SAMD12: variants seen among roughly 807,000 people sequenced by gnomAD.
The protein encoded by SAMD12 is sterile alpha motif domain containing 12.
Under a neutral mutation model 15.0 loss-of-function variants are expected in SAMD12, and 9 were observed. That is an observed-to-expected ratio of 0.60 (90% CI 0.36 to 1.05). SAMD12 has a LOEUF of 1.05. Ranked by LOEUF, SAMD12 falls within the 50% of genes least tolerant of loss-of-function variation. The probability of loss-of-function intolerance (pLI) is 0.01; values close to 1 mark genes in which losing one functional copy is unlikely to be tolerated. For missense variants in SAMD12, 230 were observed against 234.2 expected (o/e 0.98, Z 0.12); for synonymous variants, 86 against 90.1 (o/e 0.96, Z 0.25).
chr8:118,382,771 G>A (rs1016386122), intron 3 of SAMD12, among the ~76,000 whole-genome samples: 4 of 152,080 alleles, frequency 2.6e-5, no homozygotes, highest in African/African-American at 4.8e-5. Context: ...ATTCAGTTGC[G>A]CTTTATCTTC....
At chr8:118,182,913 C>T in the SAMD12 span, among the ~76,000 whole-genome samples, 6 of 152,192 alleles carry the variant, frequency 3.9e-5, no homozygotes, top group Non-Finnish European at 8.8e-5. Context: ...CAGAAATGTT[C>T]ATTATATCTT....
chr8:118,152,458 ACCTTCCTTCCTT>A, the SAMD12 span, among the ~76,000 whole-genome samples: 46 of 114,310 alleles, frequency 4.0e-4, no homozygotes, highest in Admixed American at 2.0e-3. Context: ...CTCCCTCCCT[ACCTTCCTTCCTT>A]CCTTCCTTCC....
At chr8:118,477,825 A>T (rs909402398) in intron 2 of SAMD12, among the ~76,000 whole-genome samples, 4 of 152,000 alleles carry the variant, frequency 2.6e-5, no homozygotes, top group Non-Finnish European at 5.9e-5. Context: ...CATCCTGGCT[A>T]ACACGGTGAA....
chr8:118,467,029 A>C (rs1823614367), intron 2 of SAMD12, among the ~76,000 whole-genome samples: 1 of 152,180 alleles, frequency 6.6e-6, no homozygotes, highest in African/African-American at 2.4e-5. Flanking sequence ...TTGGTAATCA[A>C]TGATTACTAG....
chr8:118,566,871 A>C (rs1439643706), intron 2 of SAMD12, among the ~76,000 whole-genome samples: 1 of 152,176 alleles, frequency 6.6e-6, no homozygotes, highest in East Asian at 1.9e-4. Context: ...GGGTTTCTCC[A>C]CTGTTAAAAA....
At chr8:118,572,574 A>C (rs1254921237) in intron 2 of SAMD12, among the ~76,000 whole-genome samples, 2 of 151,630 alleles carry the variant, frequency 1.3e-5, no homozygotes, top group African/African-American at 4.8e-5. Context: ...CATGACAGAG[A>C]ATAAGTCTCA....
At chr8:118,552,547 A>G (rs1000545332) in intron 2 of SAMD12, among the ~76,000 whole-genome samples, 4 of 152,330 alleles carry the variant, frequency 2.6e-5, no homozygotes, top group Middle Eastern at 3.4e-3. Context: ...AATAAGAGCT[A>G]TCTATGACAA....
chr8:118,366,915 A>AAAAT (rs2130662455), intron 4 of SAMD12, among the ~76,000 whole-genome samples: 1 of 87,250 alleles, frequency 1.1e-5, no homozygotes, highest in Non-Finnish European at 2.5e-5. Flanking sequence ...AAAATAAAAT[A>AAAAT]AAAATGAACA....
At chr8:118,181,289 T>C in the SAMD12 span, among the ~76,000 whole-genome samples, 4 of 152,380 alleles carry the variant, frequency 2.6e-5, no homozygotes, top group South Asian at 8.3e-4. Context: ...TGCCACTTGC[T>C]ATTTTGGGCC....
At chr8:118,164,832 T>C in the SAMD12 span, among the ~76,000 whole-genome samples, 1 of 151,744 alleles carries the variant, frequency 6.6e-6, no homozygotes, top group African/African-American at 2.4e-5. Context: ...TATACACACA[T>C]ATATACATAC....
Position 118,223,265 on chromosome 8 carries a change from A to G in SAMD12, c.434-25533T>C, listed in dbSNP as rs1812119451. ...ATACACTCTTACTTCTAGAGTTGTC[A>G]CTTTCTTTTTCAGCTTTCATCCAAG... On this transcript the variant is annotated intron_variant, in intron 4 of 4. Transcript: ENST00000409003. Among the ~76,000 whole-genome samples, 3 of 152,122 alleles carry G rather than the reference A, an allele frequency of 2.0e-5. No individual in the cohort carries two copies. The South Asian group carries it at 6.2e-4, about 32-fold the overall frequency.
intron 4 of SAMD12, among the ~76,000 whole-genome samples, chr8:118,351,053 G>A (rs548638034): frequency 2.0e-5 from 3 of 152,124 alleles, no homozygotes; most frequent in African/African-American, 2.4e-5. Flanking sequence ...TTCTCACCAC[G>A]TGGGACATGA....
chr8:118,134,194 G>A, the SAMD12 span, among the ~76,000 whole-genome samples: 13 of 152,250 alleles, frequency 8.5e-5, no homozygotes, highest in African/African-American at 3.1e-4. Context: ...GGCAGCTTCC[G>A]GGTCTCATCT....
chr8:118,305,771 A>G (rs1435560946), intron 4 of SAMD12, among the ~76,000 whole-genome samples: 14 of 152,166 alleles, frequency 9.2e-5, no homozygotes, highest in Admixed American at 9.2e-4. Context: ...CTTTTAGATC[A>G]GTGCTTTTTC....
At chr8:118,462,730 G>C (rs1823461780) in intron 2 of SAMD12, among the ~76,000 whole-genome samples, 1 of 152,148 alleles carries the variant, frequency 6.6e-6, no homozygotes, top group South Asian at 2.1e-4. Context: ...CAGAGGCCAA[G>C]GACCACATGG....
At chr8:118,305,137 T>C (rs1430960436) in intron 4 of SAMD12, among the ~76,000 whole-genome samples, 7 of 66,642 alleles carry the variant, frequency 1.1e-4, no homozygotes, top group East Asian at 9.1e-4. Flanking sequence ...CAAAAGTGAC[T>C]CCCTGTCAAA....
chr8:118,396,901 A>T (rs1007159161), intron 3 of SAMD12, among the ~76,000 whole-genome samples: 3 of 152,184 alleles, frequency 2.0e-5, no homozygotes, highest in Non-Finnish European at 4.4e-5. Flanking sequence ...TTGCATGCAG[A>T]ATCTAAAGGA....
intron 1 of SAMD12, among the ~76,000 whole-genome samples, chr8:118,604,921 CAAAAAAATA>C (rs1253294103): frequency 2.0e-5 from 3 of 148,248 alleles, no homozygotes; most frequent in Admixed American, 1.3e-4. Flanking sequence ...GACTCCGTCT[CAAAAAAATA>C]AAAAAAATAA....
intron 2 of SAMD12, among the ~76,000 whole-genome samples, chr8:118,550,578 CA>C (rs1013385423): frequency 1.3e-5 from 2 of 152,134 alleles, no homozygotes; most frequent in African/African-American, 4.8e-5. Flanking sequence ...AAAATCATGC[CA>C]AAATGTAAAG....
Sources: gnomAD v4.1 joint callset for allele counts (sites outside exome capture counted in the v4.1 genomes callset) on GRCh38, gnomAD v4.1.1 for gene constraint, MANE v1.5 for transcripts, NCBI Gene and HGNC (gene_info 2026-07-23, HGNC 2026-07-21) for gene names.